CNOT2: variants seen among roughly 807,000 people sequenced by gnomAD.
The protein encoded by CNOT2 is CC chemokine receptor 4-negative regulator of transcription 2.
CNOT2 carries 7 observed loss-of-function variants against 72.1 expected under a neutral mutation model. That is an observed-to-expected ratio of 0.10 (90% CI 0.06 to 0.18). The LOEUF (loss-of-function observed/expected upper bound fraction) is 0.18. Among genes scored for constraint, CNOT2 ranks in the 10% least tolerant of loss-of-function variants. The pLI, the probability that CNOT2 is intolerant of heterozygous loss-of-function variation, is 1.00. For missense variants in CNOT2, 345 were observed against 660.3 expected, an observed-to-expected ratio of 0.52 and a Z score of 5.23; for synonymous variants, 196 against 225.6, an observed-to-expected ratio of 0.87 and a Z score of 1.17.
At chr12:70,349,034 T>C (rs1400711494) in intron 15 of CNOT2, among the ~76,000 whole-genome samples, 3 of 152,156 alleles carry the variant, frequency 2.0e-5, no homozygotes, top group Admixed American at 2.0e-4. Context: ...ACTGACACGC[T>C]TTAAAATTAT....
intron 2 of CNOT2, among the ~76,000 whole-genome samples, chr12:70,293,161 CTT>C (rs201732291): frequency 2.7e-4 from 37 of 136,242 alleles, no homozygotes; most frequent in African/African-American, 2.7e-4. Context: ...GATTTCATAT[CTT>C]TTTTTTTTTT....
At chr12:70,319,440 G>A in intron 4 of CNOT2, 76 bp downstream of exon 4, 1 of 1,383,400 alleles carries the variant, frequency 7.2e-7, no homozygotes, top group South Asian at 1.2e-5. Flanking sequence ...AGAACAACCA[G>A]TACTTCCTTT....
chr12:70,304,440 G>A lies in CNOT2; in HGVS notation c.49-6455G>A, dbSNP rs377279121. On this transcript the variant is annotated intron_variant, in intron 2 of 15. Transcript: ENST00000229195. ...CTAACAGCCAGGACCCTCAGCTGCAGGTCTGTTGGAGTTTGCTGGAGGTCC... is the reference window on the plus strand; with the variant it reads ...CTAACAGCCAGGACCCTCAGCTGCAAGTCTGTTGGAGTTTGCTGGAGGTCC... Among the ~76,000 whole-genome samples the A allele has an allele frequency of 1.1e-3, 163 of 152,288 alleles. 2 individuals carry two copies. In the East Asian group the frequency reaches 0.028, roughly 26 times the overall value.
At chr12:70,283,724 G>A (rs1870330361) in intron 2 of CNOT2, among the ~76,000 whole-genome samples, 1 of 150,390 alleles carries the variant, frequency 6.6e-6, no homozygotes, top group Non-Finnish European at 1.5e-5. Flanking sequence ...GCTCTTGAAA[G>A]CCTTGCAACC....
chr12:70,315,024 C>T (rs1395280167), intron 3 of CNOT2, among the ~76,000 whole-genome samples: 5 of 151,866 alleles, frequency 3.3e-5, no homozygotes, highest in African/African-American at 4.8e-5. Context: ...TCACCACGCC[C>T]GGCTAATTTT....
At chr12:70,346,581 T>TTG (rs1882201147) in intron 15 of CNOT2, 1 of 295,358 alleles carries the variant, frequency 3.4e-6, no homozygotes, top group Non-Finnish European at 6.2e-6. Flanking sequence ...GAAATATTTT[T>TTG]TGTGTCTACT....
chr12:70,344,500 A>C (rs1409561890), intron 14 of CNOT2: 1 of 319,758 alleles, frequency 3.1e-6, no homozygotes. Flanking sequence ...AGGTGGACAG[A>C]TCACTTGAGG....
chr12:70,353,075 CT>C (rs372881091), intron 15 of CNOT2, among the ~76,000 whole-genome samples: 14,218 of 135,362 alleles, frequency 0.11, 853 homozygotes, highest in Middle Eastern at 0.2. Flanking sequence ...ATGTGTTTTC[CT>C]TTTTTTTTTT....
intron 8 of CNOT2, chr12:70,336,658 G>C (rs1309216428): frequency 6.6e-6 from 1 of 151,722 alleles, no homozygotes; most frequent in Non-Finnish European, 1.5e-5. Flanking sequence ...AAAATGATCT[G>C]CCCTGGAAGT....
At chr12:70,332,094 T>C (rs183239432) in intron 6 of CNOT2, among the ~76,000 whole-genome samples, 1 of 151,810 alleles carries the variant, frequency 6.6e-6, no homozygotes, top group African/African-American at 2.4e-5. Flanking sequence ...GTGTTTTCTT[T>C]TAAGTATATG....
At chr12:70,269,286 T>A (rs1214886486) in intron 1 of CNOT2, among the ~76,000 whole-genome samples, 1 of 149,960 alleles carries the variant, frequency 6.7e-6, no homozygotes, top group African/African-American at 2.5e-5. Flanking sequence ...TTTTTTTTTT[T>A]AAGCTTTTTT....
intron 6 of CNOT2, 99 bp from the exon 7 acceptor site, chr12:70,332,665 ATTG>A (rs1880132614): frequency 1.5e-6 from 2 of 1,356,302 alleles, no homozygotes; most frequent in South Asian, 2.1e-5. Flanking sequence ...TTTGAAACAT[ATTG>A]TTATTTTATA....
chr12:70,326,406 T>C (rs1593240613), intron 4 of CNOT2, among the ~76,000 whole-genome samples: 2 of 111,600 alleles, frequency 1.8e-5, no homozygotes, highest in Non-Finnish European at 3.9e-5. Flanking sequence ...TTTTGCCTGT[T>C]TTAGTTTTTT....
intron 1 of CNOT2, among the ~76,000 whole-genome samples, chr12:70,276,073 A>T (rs1868736492): frequency 6.6e-6 from 1 of 152,024 alleles, no homozygotes; most frequent in African/African-American, 2.4e-5. Context: ...ATTTCCAGTT[A>T]TCCCCAGAAG....
chr12:70,279,532 A>G (rs929856565), intron 2 of CNOT2, among the ~76,000 whole-genome samples: 24 of 152,172 alleles, frequency 1.6e-4, no homozygotes, highest in Admixed American at 3.3e-4. Context: ...GCCTTTGCTA[A>G]TGATCTGTAC....
chr12:70,271,973 G>A (rs1190566143), intron 1 of CNOT2, among the ~76,000 whole-genome samples: 1 of 152,100 alleles, frequency 6.6e-6, no homozygotes, highest in Non-Finnish European at 1.5e-5. Flanking sequence ...CTTGTCCTAC[G>A]TCAGACTATC....
chr12:70,330,881 T>C (rs928445147), intron 6 of CNOT2: 1 of 155,980 alleles, frequency 6.4e-6, no homozygotes, highest in African/African-American at 2.4e-5. Context: ...TTTGGTTTTG[T>C]GCATTGGAGA....
At chr12:70,275,531 G>A (rs919911543) in intron 1 of CNOT2, among the ~76,000 whole-genome samples, 1 of 152,020 alleles carries the variant, frequency 6.6e-6, no homozygotes, top group Non-Finnish European at 1.5e-5. Context: ...ATTGTTGTGT[G>A]ATGTCTGGAA....
intron 1 of CNOT2, among the ~76,000 whole-genome samples, chr12:70,270,130 A>G (rs886550070): frequency 2.0e-5 from 3 of 152,166 alleles, no homozygotes; most frequent in Admixed American, 6.5e-5. Flanking sequence ...GATTATTAGT[A>G]TCAATGATTT....
Sources: allele counts gnomAD v4.1 joint callset (sites outside exome capture counted in the v4.1 genomes callset), GRCh38; gene constraint gnomAD v4.1.1; transcripts MANE v1.5; gene names NCBI Gene and HGNC (gene_info 2026-07-23, HGNC 2026-07-21).